The following PER3 variants were observed in gnomAD, a reference collection of about 807,000 sequenced individuals.
PER3 encodes period circadian protein homolog 3.
In PER3, 107 loss-of-function variants were observed where a neutral mutation model predicts 127.2. The observed-to-expected ratio is 0.84, with a 90% confidence interval of 0.72 to 0.99. The LOEUF (loss-of-function observed/expected upper bound fraction) is 0.99. PER3 is among the 50% of genes least tolerant of loss of function. The probability of loss-of-function intolerance (pLI) is 0.00; values close to 1 mark genes in which losing one functional copy is unlikely to be tolerated. For missense variants in PER3, 1,560 were observed against 1,525.8 expected, an observed-to-expected ratio of 1.02 and a Z score of -0.37; for synonymous variants, 618 against 585.8, an observed-to-expected ratio of 1.05 and a Z score of -0.79.
At chr1:7,839,114 C>CT (rs1227094261) in intron 21 of PER3, among the ~76,000 whole-genome samples, 1 of 152,042 alleles carries the variant, frequency 6.6e-6, no homozygotes, top group Non-Finnish European at 1.5e-5. Flanking sequence ...TATTGTGTAG[C>CT]TATTTTCATT....
chr1:7,829,091 A>G (rs1330094597), intron 18 of PER3, among the ~76,000 whole-genome samples: 1 of 152,228 alleles, frequency 6.6e-6, no homozygotes, highest in African/African-American at 2.4e-5. Flanking sequence ...TCTGTTTAAC[A>G]CACGAAGTTG....
In PER3 at chr1:7,823,695, A is replaced by G. The variant is rs559548202; in HGVS notation, c.1958-2785A>G. On this transcript the variant is annotated intron_variant, in intron 16 of 21. Coordinates refer to ENST00000377532, the MANE Select transcript of PER3 (RefSeq NM_001377275.1). Reference sequence around the variant, plus strand: ...GCAAAAATAAGGAAATAGACTTTCCATAATTATATTTGGAAAATTGTACAC... The same window carrying G: ...GCAAAAATAAGGAAATAGACTTTCCGTAATTATATTTGGAAAATTGTACAC... Among the ~76,000 whole-genome samples, 83 of 152,276 alleles carry G rather than the reference A, an allele frequency of 5.5e-4. 1 individual carries two copies. In the Middle Eastern group the frequency reaches 0.01, roughly 19 times the overall value.
chr1:7,842,841 T>G lies in PER3; in HGVS notation c.*86T>G. 1 of 1,086,802 alleles carries G rather than the reference T, an allele frequency of 9.2e-7. No individual in the cohort carries two copies. The highest frequency in any genetic ancestry group is 2.4e-5 in the Admixed American group (1 of 41,816). The allele number at this position is 1,086,802 out of a possible 1,614,324, so 67.3% of individuals were successfully genotyped here. A position where few individuals can be genotyped will look rare whatever the true frequency, so the allele number is the denominator to read the frequency against. On this transcript the variant is annotated 3_prime_UTR_variant, in exon 22 of 22. Transcript: ENST00000377532. ...TAAGTCCTGGACTTTTAAATGACCA[T>G]GAAGTTATCATTGAATGTTAAGATT...
chr1:7,820,063 T>C, intron 14 of PER3, 52 bp from the exon 15 acceptor site: 1 of 1,580,514 alleles, frequency 6.3e-7, no homozygotes, highest in Non-Finnish European at 8.6e-7. Context: ...AGGTGGGAAA[T>C]GGCACAATTA....
chr1:7,792,311 C>T (rs11587872), intron 5 of PER3, among the ~76,000 whole-genome samples: 12,138 of 152,122 alleles, frequency 0.08, 553 homozygotes, highest in Middle Eastern at 0.21. Flanking sequence ...CTCACTATCA[C>T]GAGAACGGGA....
chr1:7,789,050 C>A (rs2097105826), intron 5 of PER3, among the ~76,000 whole-genome samples: 1 of 151,816 alleles, frequency 6.6e-6, no homozygotes, highest in South Asian at 2.1e-4. Flanking sequence ...TTCTTTGTGA[C>A]ATTCAGTCCT....
chr1:7,809,882 TG>T lies in PER3; in HGVS notation c.1243-10del. 2 of 1,613,016 alleles carry T rather than the reference TG, an allele frequency of 1.2e-6. No individual in the cohort carries two copies. Among genetic ancestry groups the T allele is most frequent in the South Asian group, 2.2e-5 (2 of 90,988 alleles). On this transcript the variant is annotated splice_polypyrimidine_tract_variant and intron_variant, in intron 11 of 21. Transcript: ENST00000377532. The stretch of plus-strand genomic sequence containing the variant: ...CAGCAATTCTGGACTTGTTCCTCTT[TG>T]TCCTTCCAGCCAGTTCACGTGAGCG...
chr1:7,786,869 G>C (rs776505104), intron 4 of PER3, 33 bp downstream of exon 4: 29 of 1,281,204 alleles, frequency 2.3e-5, no homozygotes, highest in Middle Eastern at 1.8e-4. Context: ...ATATCAACCT[G>C]GGTGACTTTT....
rs114217939 is a variant in PER3, at chr1:7,816,843, C to T, written c.1523-2442C>T. Among the ~76,000 whole-genome samples the T allele has an allele frequency of 4.8e-3, 729 of 152,208 alleles. 6 individuals carry two copies. The highest frequency in any genetic ancestry group is 7.6e-3 in the Non-Finnish European group (515 of 68,012). On this transcript the variant is annotated intron_variant, in intron 13 of 21. Transcript: ENST00000377532. ...GTGATTTACCCAACTGAAATAGAAA[C>T]TTAAGTTCACGCAAAAACCTGTACA...
intron 4 of PER3, 133 bp from the exon 5 acceptor site, chr1:7,787,912 T>C: frequency 1.5e-6 from 1 of 655,184 alleles, no homozygotes; most frequent in African/African-American, 1.8e-5. Context: ...TGAGGAGTTT[T>C]GTTGCATTTG....
In PER3 at chr1:7,784,799, C is replaced by G. The variant is rs1039662119; in HGVS notation, c.-79C>G. ...GGGGACCGGAGTGAGAAACCGGTGT[C>G]TGTCACTGACTGCAAAGTGAGCGAG... On this transcript the variant is annotated 5_prime_UTR_variant, in exon 2 of 22. Coordinates refer to ENST00000377532, the MANE Select transcript of PER3 (RefSeq NM_001377275.1). The G allele has an allele frequency of 1.1e-5, 15 of 1,352,526 alleles. No individual in the cohort carries two copies. Among genetic ancestry groups the G allele is most frequent in the Non-Finnish European group, 1.4e-5 (15 of 1,053,032 alleles). The allele number at this position is 1,352,526 out of a possible 1,614,324, so 83.8% of individuals were successfully genotyped here. A position where few individuals can be genotyped will look rare whatever the true frequency, so the allele number is the denominator to read the frequency against.
chr1:7,828,204 C>T (rs1486736136), intron 18 of PER3, among the ~76,000 whole-genome samples: 1 of 152,154 alleles, frequency 6.6e-6, no homozygotes, highest in Admixed American at 6.5e-5. Flanking sequence ...AGGAATAAGC[C>T]ATATTGACAA....
chr1:7,801,250 G>A (rs1225312027), intron 8 of PER3, 59 bp downstream of exon 8: 3 of 916,172 alleles, frequency 3.3e-6, no homozygotes, highest in Non-Finnish European at 5.2e-6. Flanking sequence ...TAAATGTGAA[G>A]AAGATTACAT....
Position 7,827,685 on chromosome 1 carries a change from G to T in PER3, c.2756G>T (p.Ser919Ile). The change falls in exon 18 of 22, where the codon AGC becomes ATC. Residue 919 changes from serine (S) to isoleucine (I), a missense_variant. Physicochemically the swap from Ser to Ile is moderately radical, Grantham distance 142. Coordinates refer to ENST00000377532, the MANE Select transcript of PER3 (RefSeq NM_001377275.1). ...GAGGAGGAAAAGTGGGAGGCACAAA[G>T]CGAGGGGCACCCGTTCATTACTTCG... ...RREEEKWEAQ[S>I]EGHPFITSRS... is the part of the protein sequence containing the mutation. The T allele has an allele frequency of 1.2e-6, 2 of 1,614,156 alleles. No homozygotes were observed. Among genetic ancestry groups the T allele is most frequent in the Non-Finnish European group, 1.7e-6 (2 of 1,180,026 alleles).
intron 3 of PER3, among the ~76,000 whole-genome samples, chr1:7,786,137 T>TC (rs2097089165): frequency 1.3e-5 from 2 of 152,116 alleles, no homozygotes; most frequent in African/African-American, 2.4e-5. Flanking sequence ...GCGCCTGTAG[T>TC]CCAGCTATTC....
chr1:7,839,830 G>A (rs761164996), intron 21 of PER3, among the ~76,000 whole-genome samples: 21 of 151,782 alleles, frequency 1.4e-4, no homozygotes, highest in Non-Finnish European at 2.5e-4. Context: ...TTGACTGCAC[G>A]GTATTTAATT....
intron 18 of PER3, among the ~76,000 whole-genome samples, chr1:7,829,053 A>C (rs541283642): frequency 1.3e-5 from 2 of 152,134 alleles, no homozygotes; most frequent in Non-Finnish European, 2.9e-5. Context: ...GAACGTTTTT[A>C]CTTCTTAGTT....
At chr1:7,820,442 C>T in intron 15 of PER3, 25 bp from the exon 16 acceptor site, 1 of 1,578,882 alleles carries the variant, frequency 6.3e-7, no homozygotes, top group Admixed American at 1.9e-5. Context: ...TTTCTTTTCA[C>T]TGTCAGTTTC....
chr1:7,837,869 C>T (rs11583793), intron 21 of PER3, among the ~76,000 whole-genome samples: 12,574 of 152,132 alleles, frequency 0.083, 588 homozygotes, highest in Middle Eastern at 0.21. Flanking sequence ...TTGGAGACCA[C>T]GCTGGGCAGC....
Sources: allele counts gnomAD v4.1 joint callset (sites outside exome capture counted in the v4.1 genomes callset), GRCh38; gene constraint gnomAD v4.1.1; transcripts MANE v1.5; gene names NCBI Gene and HGNC (gene_info 2026-07-23, HGNC 2026-07-21).